KCNC2: variants seen among roughly 807,000 people sequenced by gnomAD.
KCNC2 encodes the protein voltage-gated potassium channel KCNC2.
KCNC2 carries 21 observed loss-of-function variants against 44.5 expected under a neutral mutation model. That is an observed-to-expected ratio of 0.47 (90% CI 0.33 to 0.68). The LOEUF is 0.68. Among genes scored for constraint, KCNC2 ranks in the 30% least tolerant of loss-of-function variants. The probability of loss-of-function intolerance (pLI) is 0.01; values close to 1 mark genes in which losing one functional copy is unlikely to be tolerated. For synonymous variants in KCNC2, 391 were observed against 339.1 expected, an observed-to-expected ratio of 1.15 and a Z score of -1.68; for missense variants, 589 against 826.2, an observed-to-expected ratio of 0.71 and a Z score of 3.52.
intron 2 of KCNC2, among the ~76,000 whole-genome samples, chr12:75,159,873 T>C (rs894872119): frequency 2.0e-5 from 3 of 151,866 alleles, no homozygotes; most frequent in African/African-American, 4.8e-5. Flanking sequence ...GCAACTATAC[T>C]ATGAGTTAAT....
At chr12:75,195,116 CA>C (rs2030649761) in intron 2 of KCNC2, among the ~76,000 whole-genome samples, 1 of 152,122 alleles carries the variant, frequency 6.6e-6, no homozygotes, top group South Asian at 2.1e-4. Context: ...ATGGGACAGG[CA>C]GTTCTGTTTC....
chr12:75,207,410 T>C lies in KCNC2; in HGVS notation c.574A>G (p.Ile192Val), dbSNP rs765205273. The C allele has an allele frequency of 2.5e-6, 4 of 1,600,226 alleles. No individual in the cohort carries two copies. Among genetic ancestry groups the C allele is most frequent in the Admixed American group, 1.7e-5 (1 of 58,158 alleles). The change falls in exon 2 of 5, where the codon ATC becomes GTC. Residue 192 changes from isoleucine (I) to valine (V), a missense_variant. By Grantham distance (29) the Ile-to-Val change is conservative. Coordinates refer to ENST00000549446, the MANE Select transcript of KCNC2 (RefSeq NM_139137.4). This position sits in a 1 kb window ranked among gnomAD's most constrained non-coding sequence, Gnocchi z 4.1. ...DEDLAAKRLG[I>V]EDAAGLGGPD... ...CCCCCGAGCCCCGCCGCGTCCTCGATGCCCAGCCTCTTGGCCGCCAGGTCC... is the reference window on the plus strand; with the variant it reads ...CCCCCGAGCCCCGCCGCGTCCTCGACGCCCAGCCTCTTGGCCGCCAGGTCC...
intron 4 of KCNC2, among the ~76,000 whole-genome samples, chr12:75,047,694 A>T (rs1319215872): frequency 6.6e-6 from 1 of 152,060 alleles, no homozygotes; most frequent in East Asian, 1.9e-4. Flanking sequence ...ACTGGATTAG[A>T]AACATTAGAG....
chr12:75,041,011 C>T lies in KCNC2; in HGVS notation c.*2094G>A, dbSNP rs1015176978. 4.1e-6 allele frequency: 4 copies of T among 979,392 alleles called. No homozygotes were observed. The African/African-American group carries it at 6.4e-5, about 16-fold the overall frequency. 60.7% of individuals were successfully genotyped at this position (979,392 alleles called of 1,614,324 possible). A position where few individuals can be genotyped will look rare whatever the true frequency, so the allele number is the denominator to read the frequency against. On this transcript the variant is annotated 3_prime_UTR_variant, in exon 5 of 5. Transcript: ENST00000549446. ...AGCAGAGCACTCTCATGGGGAGCAC[C>T]AGATGAGTTCCAGCCGCAGTTCTTT... is the stretch of plus-strand genomic sequence containing the variant.
At chr12:75,190,865 TAA>T (rs988425916) in intron 2 of KCNC2, among the ~76,000 whole-genome samples, 110 of 151,998 alleles carry the variant, frequency 7.2e-4, no homozygotes, top group African/African-American at 2.4e-3. Context: ...TAGTATAAAT[TAA>T]AAGATACAAG....
rs1299317906 is a variant in KCNC2 at position 75,041,058 on chromosome 12, G to C, written c.*2047C>G. On this transcript the variant is annotated 3_prime_UTR_variant, in exon 5 of 5. Transcript: ENST00000549446. Reference sequence around the variant, plus strand: ...CTTTTATAAGCTTTAAGTGCCTCATGAAGACGCGAGGATCTCTTCCAAGTG... The same window carrying C: ...CTTTTATAAGCTTTAAGTGCCTCATCAAGACGCGAGGATCTCTTCCAAGTG... 6 of 1,511,222 alleles carry C rather than the reference G, an allele frequency of 4.0e-6. No homozygotes were observed. Among genetic ancestry groups the C allele is most frequent in the East Asian group, 2.3e-5 (1 of 44,312 alleles). 93.6% of individuals were successfully genotyped at this position (1,511,222 alleles called of 1,614,324 possible).
rs868704272 is a variant in KCNC2, at chr12:75,133,919, G to A, written c.687+73378C>T. ...GGATGAACAGTTAATAAAGATACAC[G>A]AAAAAAAGATGAAGAAGGAAAAGGA... On this transcript the variant is annotated intron_variant, in intron 2 of 4. Coordinates refer to ENST00000549446, the MANE Select transcript of KCNC2 (RefSeq NM_139137.4). Among the ~76,000 whole-genome samples, 15 of 151,634 alleles carry A rather than the reference G, an allele frequency of 9.9e-5. No individual in the cohort carries two copies. The South Asian group carries it at 2.7e-3, about 27-fold the overall frequency.
intron 2 of KCNC2, among the ~76,000 whole-genome samples, chr12:75,099,185 C>T (rs1290202708): frequency 6.6e-6 from 1 of 152,058 alleles, no homozygotes; most frequent in Non-Finnish European, 1.5e-5. Flanking sequence ...TTATGAGTAG[C>T]GTCTAAAGGG....
chr12:75,092,624 C>T (rs1451152776), intron 2 of KCNC2, among the ~76,000 whole-genome samples: 2 of 151,498 alleles, frequency 1.3e-5, no homozygotes, highest in African/African-American at 2.4e-5. Flanking sequence ...ATGAGATTCT[C>T]CCCTGGGTAA....
intron 2 of KCNC2, among the ~76,000 whole-genome samples, chr12:75,134,092 G>A (rs1028663198): frequency 6.6e-5 from 10 of 151,780 alleles, no homozygotes; most frequent in African/African-American, 2.4e-4. Flanking sequence ...CAAATGAAAA[G>A]CAATCTATCT....
At chr12:75,064,912 C>A (rs1004322809) in intron 2 of KCNC2, among the ~76,000 whole-genome samples, 37 of 151,936 alleles carry the variant, frequency 2.4e-4, no homozygotes, top group Non-Finnish European at 4.3e-4. Flanking sequence ...TTATTTGAAA[C>A]TTTAGAGTGT....
intron 2 of KCNC2, among the ~76,000 whole-genome samples, chr12:75,189,905 G>A (rs948378081): frequency 7.9e-5 from 12 of 152,084 alleles, no homozygotes; most frequent in African/African-American, 2.7e-4. Context: ...CCTATGAGTC[G>A]ATGAAAAAGA....
At chr12:75,156,873 T>C (rs1890796305) in intron 2 of KCNC2, among the ~76,000 whole-genome samples, 1 of 151,876 alleles carries the variant, frequency 6.6e-6, no homozygotes, top group Non-Finnish European at 1.5e-5. Flanking sequence ...CATCGTAGTA[T>C]CATTTTCCTG....
At position 75,041,166 on chromosome 12, in the gene KCNC2, T is replaced by C. The variant is rs201427286; in HGVS notation, c.*1939A>G. 3.1e-5 allele frequency: 50 copies of C among 1,596,638 alleles called. No homozygotes were observed. The East Asian group carries it at 3.6e-4, about 11-fold the overall frequency. The stretch of plus-strand genomic sequence containing the variant: ...TGGTATGGCTAAATTCCACTGTCCC[T>C]TTCTCAGCAGTCAATAATCCATGAT... On this transcript the variant is annotated 3_prime_UTR_variant, in exon 5 of 5. Coordinates refer to ENST00000549446, the MANE Select transcript of KCNC2 (RefSeq NM_139137.4).
chr12:75,101,639 T>G (rs2137181813), intron 2 of KCNC2, among the ~76,000 whole-genome samples: 1 of 152,206 alleles, frequency 6.6e-6, no homozygotes, highest in East Asian at 1.9e-4. Context: ...TACTTCTGCC[T>G]TAGGAAATAA....
At chr12:75,179,990 A>G (rs980706377) in intron 2 of KCNC2, among the ~76,000 whole-genome samples, 11 of 151,836 alleles carry the variant, frequency 7.2e-5, no homozygotes, top group African/African-American at 2.2e-4. Flanking sequence ...CTAAACATGA[A>G]AAATAGAAAA....
At chr12:75,196,087 A>C (rs1349155673) in intron 2 of KCNC2, among the ~76,000 whole-genome samples, 1 of 152,090 alleles carries the variant, frequency 6.6e-6, no homozygotes, top group Non-Finnish European at 1.5e-5. Flanking sequence ...AATGCTAGCA[A>C]AGCTGTGTTA....
chr12:75,177,774 C>T (rs562123024), intron 2 of KCNC2, among the ~76,000 whole-genome samples: 10 of 152,028 alleles, frequency 6.6e-5, no homozygotes, highest in African/African-American at 2.4e-4. Flanking sequence ...GAACAATTTA[C>T]CTACAAGAGA....
At chr12:75,134,914 T>A (rs1889119425) in intron 2 of KCNC2, among the ~76,000 whole-genome samples, 1 of 151,936 alleles carries the variant, frequency 6.6e-6, no homozygotes, top group African/African-American at 2.4e-5. Flanking sequence ...AGTCTGATTA[T>A]CTCCATAGCT....
Sources: allele counts gnomAD v4.1 joint callset (sites outside exome capture counted in the v4.1 genomes callset), GRCh38; gene constraint gnomAD v4.1.1; non-coding constraint Gnocchi (gnomAD v3.1); transcripts MANE v1.5; gene names NCBI Gene and HGNC (gene_info 2026-07-23, HGNC 2026-07-21).